Variants in MYO5B observed in about 807,000 individuals in gnomAD.
MYO5B encodes unconventional myosin-Vb.
Under a neutral mutation model 229.3 loss-of-function variants are expected in MYO5B, and 143 were observed. The observed-to-expected ratio is 0.62, with a 90% CI of 0.54 to 0.72. The LOEUF is 0.72. Among genes scored for constraint, MYO5B ranks in the 30% least tolerant of loss-of-function variants. The pLI is 0.00. For missense variants in MYO5B, 2,321 were observed against 2,331.0 expected (o/e 1.00, Z 0.09); for synonymous variants, 918 against 885.2 (o/e 1.04, Z -0.66).
chr18:49,830,455 C>G (rs2023901950), intron 39 of MYO5B, among the ~76,000 whole-genome samples: 1 of 152,132 alleles, frequency 6.6e-6, no homozygotes, highest in Non-Finnish European at 1.5e-5. Flanking sequence ...AGTGCAATCC[C>G]TATCAAAATC....
intron 18 of MYO5B, among the ~76,000 whole-genome samples, chr18:49,911,201 C>T (rs1047053354): frequency 2.0e-5 from 3 of 152,148 alleles, no homozygotes; most frequent in South Asian, 2.1e-4. Context: ...CCAGATGGGC[C>T]GTGCTATGTA....
At chr18:50,013,390 C>A (rs1429495466) in intron 4 of MYO5B, among the ~76,000 whole-genome samples, 1 of 152,236 alleles carries the variant, frequency 6.6e-6, no homozygotes, top group Non-Finnish European at 1.5e-5. Flanking sequence ...TCCCTCCCAA[C>A]TGCACCTACA....
chr18:50,191,321 A>G (rs1156306924), intron 1 of MYO5B, among the ~76,000 whole-genome samples: 5 of 152,226 alleles, frequency 3.3e-5, no homozygotes, highest in African/African-American at 1.2e-4. Flanking sequence ...TTAACAGAGC[A>G]AGGTGCAGCC....
intron 1 of MYO5B, among the ~76,000 whole-genome samples, chr18:50,187,711 C>A (rs577698800): frequency 5.3e-5 from 8 of 152,088 alleles, no homozygotes; most frequent in Non-Finnish European, 1.2e-4. Context: ...GAGATGAGGT[C>A]TCGCTATGTT....
At chr18:49,959,220 T>C (rs1284857342) in intron 12 of MYO5B, among the ~76,000 whole-genome samples, 1 of 152,234 alleles carries the variant, frequency 6.6e-6, no homozygotes, top group Non-Finnish European at 1.5e-5. Context: ...TCTGGTTCTG[T>C]GTCATCAAAG....
chr18:50,021,537 T>G (rs2026274728), intron 4 of MYO5B, among the ~76,000 whole-genome samples: 1 of 151,926 alleles, frequency 6.6e-6, no homozygotes, highest in Non-Finnish European at 1.5e-5. Flanking sequence ...GGTCTGAAAA[T>G]TAAAAGGCAG....
intron 5 of MYO5B, among the ~76,000 whole-genome samples, chr18:49,994,425 T>C (rs550648315): frequency 1.3e-5 from 2 of 152,350 alleles, no homozygotes; most frequent in Admixed American, 1.3e-4. Flanking sequence ...AAAAACCAGT[T>C]GGAGTCACAA....
chr18:49,943,514 A>T (rs184825737), intron 14 of MYO5B, among the ~76,000 whole-genome samples: 1 of 152,200 alleles, frequency 6.6e-6, no homozygotes. Context: ...TAAAAAACCG[A>T]TATTTGTATT....
At chr18:50,183,618 G>A (rs140972061) in intron 1 of MYO5B, among the ~76,000 whole-genome samples, 242 of 151,998 alleles carry the variant, frequency 1.6e-3, no homozygotes, top group Non-Finnish European at 2.5e-3. Context: ...AGAATGAAAG[G>A]ATGGTTAGTT....
chr18:49,986,147 C>T (rs1005520676), intron 7 of MYO5B, among the ~76,000 whole-genome samples: 5 of 152,208 alleles, frequency 3.3e-5, no homozygotes, highest in Admixed American at 3.3e-4. Flanking sequence ...ACCCTCCAGA[C>T]TCATGGCTTA....
At chr18:49,913,532 C>T (rs1021150019) in intron 17 of MYO5B, among the ~76,000 whole-genome samples, 8 of 152,110 alleles carry the variant, frequency 5.3e-5, no homozygotes, top group Non-Finnish European at 1.0e-4. Context: ...CAGCCCCCCA[C>T]CCACTCTCAT....
intron 14 of MYO5B, among the ~76,000 whole-genome samples, chr18:49,950,609 G>C (rs1273695667): frequency 6.6e-6 from 1 of 152,142 alleles, no homozygotes; most frequent in African/African-American, 2.4e-5. Context: ...TTAAATTACA[G>C]AGGACTACGT....
At chr18:50,166,267 C>T (rs1209653842) in intron 1 of MYO5B, among the ~76,000 whole-genome samples, 1 of 152,232 alleles carries the variant, frequency 6.6e-6, no homozygotes, top group Non-Finnish European at 1.5e-5. Context: ...AAGGTAAACT[C>T]ATCCTAACCT....
intron 27 of MYO5B, among the ~76,000 whole-genome samples, chr18:49,868,830 C>A (rs575750005): frequency 1.3e-4 from 20 of 152,342 alleles, no homozygotes; most frequent in Non-Finnish European, 2.6e-4. Context: ...TTCTACATGA[C>A]CTTACCCCAA....
intron 12 of MYO5B, among the ~76,000 whole-genome samples, chr18:49,957,573 T>TA (rs2025508570): frequency 6.6e-6 from 1 of 151,008 alleles, no homozygotes; most frequent in African/African-American, 2.4e-5. Flanking sequence ...TTGAGCCTGG[T>TA]AGGTTGGGGC....
At chr18:50,054,505 G>A (rs2030491002) in intron 2 of MYO5B, among the ~76,000 whole-genome samples, 1 of 152,120 alleles carries the variant, frequency 6.6e-6, no homozygotes, top group Non-Finnish European at 1.5e-5. Context: ...TTACCCATCT[G>A]CCCCCTGGGA....
chr18:49,880,228 A>C, intron 23 of MYO5B, 143 bp downstream of exon 23: 2 of 774,828 alleles, frequency 2.6e-6, no homozygotes, highest in Non-Finnish European at 4.6e-6. Flanking sequence ...CTTAAAGGTC[A>C]TTATTCTTCA....
chr18:49,902,743 T>G lies in MYO5B; in HGVS notation c.2662A>C (p.Ile888Leu). 6.2e-7 allele frequency: 1 copy of G among 1,608,920 alleles called. No homozygotes were observed. Among genetic ancestry groups the G allele is most frequent in the Non-Finnish European group, 8.5e-7 (1 of 1,180,004 alleles). The change falls in exon 21 of 40, where the codon ATT becomes CTT. Residue 888 changes from isoleucine (I) to leucine (L), a missense_variant. Around this residue, in one of 2 missense-constraint regions of MYO5B, gnomAD observed 2,113 missense variants for 2,044.7 expected, o/e 1.03. Transcript: ENST00000285039. ...RHFQRLRDAA[I>L]VIQCAFRMLK... is the part of the protein sequence containing the mutation. ...ATCCGGAAGGCACACTGGATGACAA[T>G]GGCTGCATCCCGCAGCCGCTGGAAG...
chr18:49,965,718 A>G (rs1266337766), intron 10 of MYO5B, among the ~76,000 whole-genome samples: 1 of 152,170 alleles, frequency 6.6e-6, no homozygotes, highest in Non-Finnish European at 1.5e-5. Flanking sequence ...GCAGTGTGTG[A>G]ACCCAGACAG....
Sources: gnomAD v4.1 joint callset for allele counts (sites outside exome capture counted in the v4.1 genomes callset) on GRCh38, gnomAD v4.1.1 for gene constraint, gnomAD v4.1.1 regional missense constraint, MANE v1.5 for transcripts, NCBI Gene and HGNC (gene_info 2026-07-23, HGNC 2026-07-21) for gene names.